PTX3: variants seen among roughly 807,000 people sequenced by gnomAD.
PTX3 encodes pentraxin-related protein PTX3.
Under a neutral mutation model 23.5 loss-of-function variants are expected in PTX3, and 24 were observed. That is an observed-to-expected ratio of 1.02 (90% CI 0.74 to 1.43). PTX3 has a LOEUF of 1.43. Ranked by LOEUF, PTX3 falls within the 40% of genes most tolerant of loss-of-function variation. PTX3 has a pLI of 0.00. For synonymous variants in PTX3, 218 were observed against 205.4 expected, an observed-to-expected ratio of 1.06 and a Z score of -0.53; for missense variants, 510 against 497.5, an observed-to-expected ratio of 1.02 and a Z score of -0.24.
In PTX3 at chr3:157,442,726, C is replaced by G; in HGVS notation, c.893C>G (p.Thr298Arg). The G allele has an allele frequency of 3.1e-6, 5 of 1,614,198 alleles. No individual in the cohort carries two copies. Among genetic ancestry groups the G allele is most frequent in the Non-Finnish European group, 4.2e-6 (5 of 1,180,042 alleles). The change falls in exon 3 of 3, where the codon ACA becomes AGA. Residue 298 changes from threonine to arginine, a missense_variant. Transcript: ENST00000295927. The stretch of plus-strand genomic sequence containing the variant: ...GCGGCTACCACTGTTGAGATGGCCA[C>G]AGGTCACATTGTTCCTGAGGGAGGA... ...ELAATTVEMATGHIVPEGGIL... is the reference protein window; with the variant it reads ...ELAATTVEMARGHIVPEGGIL...
chr3:157,437,064 G>A lies in PTX3; in HGVS notation c.130+1G>A, dbSNP rs1560060308. On this transcript the variant is annotated splice_donor_variant, in intron 1 of 2. Transcript: ENST00000295927. LOFTEE classifies it high-confidence loss of function. ...AATGGACTCCATCCCACTGAGGACC[G>A]TAAGTTCACTTTAACTGTTTCTCTG... is the stretch of plus-strand genomic sequence containing the variant. The A allele has an allele frequency of 6.2e-7, 1 of 1,613,634 alleles. No individual in the cohort carries two copies. The highest frequency in any genetic ancestry group is 8.5e-7 in the Non-Finnish European group (1 of 1,179,620).
At position 157,443,409 on chromosome 3, in the gene PTX3, A is replaced by AT. The variant is rs5853783; in HGVS notation, c.*430_*431insT. ...TGGTATGTACCTTATTACAAAAAAA[A>AT]GATGAAAACATATTTATACTACAAG... On this transcript the variant is annotated 3_prime_UTR_variant, in exon 3 of 3. Coordinates refer to ENST00000295927, the MANE Select transcript of PTX3 (RefSeq NM_002852.4). 92,300 of 157,446 alleles carry AT rather than the reference A, an allele frequency of 0.59. 27,672 individuals are homozygous for AT. The highest frequency in any genetic ancestry group is 0.7 in the African/African-American group (29,049 of 41,568). The allele number at this position is 157,446 out of a possible 1,614,324, so 9.8% of individuals were successfully genotyped here.
chr3:157,436,881 A>G lies in PTX3; in HGVS notation c.-53A>G. 6.3e-7 allele frequency: 1 copy of G among 1,592,598 alleles called. No homozygotes were observed. Among genetic ancestry groups the G allele is most frequent in the Non-Finnish European group, 8.6e-7 (1 of 1,166,932 alleles). ...ACTCTCCTCCGCTCAAACTCAGCTC[A>G]CTTGAGAGTCTCCTCCCGCCAGCTG... On this transcript the variant is annotated 5_prime_UTR_variant, in exon 1 of 3. Coordinates refer to ENST00000295927, the MANE Select transcript of PTX3 (RefSeq NM_002852.4).
At chr3:157,437,110 A>G in intron 1 of PTX3, 47 bp downstream of exon 1, 1 of 1,599,682 alleles carries the variant, frequency 6.3e-7, no homozygotes, top group African/African-American at 1.3e-5. Context: ...CTACATATCC[A>G]CCTCTTGGTC....
In PTX3 at chr3:157,437,690, G is replaced by A; in HGVS notation, c.308G>A (p.Cys103Tyr). ...GRLAESLARP[C>Y]APGAPAEARL... ...CTCGCGGAAAGCCTGGCGAGGCCGT[G>A]CGCGCCGGGGGCTCCCGCAGAGGCC... Residue 103 changes from cysteine (C) to tyrosine (Y), a missense_variant, in exon 2 of 3, where the codon TGC becomes TAC. Physicochemically the swap from Cys to Tyr is radical, Grantham distance 194. Coordinates refer to ENST00000295927, the MANE Select transcript of PTX3 (RefSeq NM_002852.4). 1 of 1,533,480 alleles carries A rather than the reference G, an allele frequency of 6.5e-7. No homozygotes were observed. The allele number at this position is 1,533,480 out of a possible 1,614,324, so 95.0% of individuals were successfully genotyped here. A position where few individuals can be genotyped will look rare whatever the true frequency, so the allele number is the denominator to read the frequency against.
At position 157,436,866 on chromosome 3, in the gene PTX3, G is replaced by A. The variant is rs181499481; in HGVS notation, c.-68G>A. 1 of 1,553,738 alleles carries A rather than the reference G, an allele frequency of 6.4e-7. No homozygotes were observed. The highest frequency in any genetic ancestry group is 1.4e-5 in the African/African-American group (1 of 72,876). On this transcript the variant is annotated 5_prime_UTR_variant, in exon 1 of 3. Coordinates refer to ENST00000295927, the MANE Select transcript of PTX3 (RefSeq NM_002852.4). ...CAGCCTCTCACTCTCACTCTCCTCC[G>A]CTCAAACTCAGCTCACTTGAGAGTC...
intron 2 of PTX3, among the ~76,000 whole-genome samples, chr3:157,438,753 T>A (rs1188561699): frequency 1.3e-5 from 2 of 152,164 alleles, no homozygotes; most frequent in Non-Finnish European, 2.9e-5. Context: ...AAATAATACA[T>A]TCTAAAGATG....
At chr3:157,437,432 A>C (rs1266518596) in intron 1 of PTX3, 81 bp from the exon 2 acceptor site, 2 of 1,521,518 alleles carry the variant, frequency 1.3e-6, no homozygotes, top group African/African-American at 2.8e-5. Context: ...ACTTGGCACC[A>C]CCGAGGGAGG....
At position 157,443,163 on chromosome 3, in the gene PTX3, A is replaced by G; in HGVS notation, c.*184A>G. ...AAACAGTTGAAGGAAAGACATTGGA[A>G]AAAGCTTTTGAGGATAATGTTACTA... On this transcript the variant is annotated 3_prime_UTR_variant, in exon 3 of 3. Transcript: ENST00000295927. 2.9e-6 allele frequency: 2 copies of G among 685,712 alleles called. No homozygotes were observed. Among genetic ancestry groups the G allele is most frequent in the East Asian group, 5.6e-5 (2 of 35,800 alleles). 42.5% of individuals were successfully genotyped at this position (685,712 alleles called of 1,614,324 possible). A position where few individuals can be genotyped will look rare whatever the true frequency, so the allele number is the denominator to read the frequency against.
chr3:157,441,939 T>A (rs1207111309), intron 2 of PTX3, among the ~76,000 whole-genome samples: 1 of 152,180 alleles, frequency 6.6e-6, no homozygotes, highest in Non-Finnish European at 1.5e-5. Flanking sequence ...TTTTAGGAAC[T>A]TGGTGGTGGC....
Position 157,442,702 on chromosome 3 carries a change from C to T in PTX3, c.869C>T (p.Ala290Val), listed in dbSNP as rs35415718. 9,890 of 1,614,118 alleles carry T rather than the reference C, an allele frequency of 6.1e-3. 504 individuals carry two copies. In the African/African-American group the frequency reaches 0.11, roughly 18 times the overall value. ...TCCTTGTGGGTAAATGGTGAACTGG[C>T]GGCTACCACTGTTGAGATGGCCACA... Reference protein sequence around the residue: ...LTSLWVNGELAATTVEMATGH... With the variant: ...LTSLWVNGELVATTVEMATGH... The change falls in exon 3 of 3, where the codon GCG (alanine) becomes GTG (valine). Residue 290 changes from alanine to valine, a missense_variant. Transcript: ENST00000295927.
Position 157,437,613 on chromosome 3 carries a change from G to T in PTX3, c.231G>T (p.Thr77=). The T allele has an allele frequency of 6.4e-7, 1 of 1,566,506 alleles. No individual in the cohort carries two copies. The highest frequency in any genetic ancestry group is 8.6e-7 in the Non-Finnish European group (1 of 1,158,150). ...QMRERMLLQA[T]DDVLRGELQR... is the part of the protein sequence containing the mutation. ...GAGAGCGCATGCTGCTGCAAGCCAC[G>T]GACGACGTCCTGCGGGGCGAGCTGC... is the stretch of plus-strand genomic sequence containing the variant. The change falls in exon 2 of 3, where the codon ACG becomes ACT. Residue 77 remains threonine (T), a synonymous_variant. Coordinates refer to ENST00000295927, the MANE Select transcript of PTX3 (RefSeq NM_002852.4).
At position 157,439,246 on chromosome 3, in the gene PTX3, G is replaced by T. The variant is rs34709101; in HGVS notation, c.532+1332G>T. Among the ~76,000 whole-genome samples, 9 of 152,288 alleles carry T rather than the reference G, an allele frequency of 5.9e-5. No homozygotes were observed. In the South Asian group the frequency reaches 1.7e-3, roughly 28 times the overall value. ...CATATAATGCACCTGAAAAACCGAA[G>T]AATTACTCTATTTTTTATCTTCATC... On this transcript the variant is annotated intron_variant, in intron 2 of 2. Coordinates refer to ENST00000295927, the MANE Select transcript of PTX3 (RefSeq NM_002852.4).
At chr3:157,439,138 G>A (rs1169924757) in intron 2 of PTX3, among the ~76,000 whole-genome samples, 2 of 152,210 alleles carry the variant, frequency 1.3e-5, no homozygotes, top group Non-Finnish European at 2.9e-5. Context: ...GATTCTCAAT[G>A]TGACAGGAGA....
In PTX3 at chr3:157,436,965, T is replaced by C; in HGVS notation, c.32T>C (p.Leu11Pro). The C allele has an allele frequency of 6.2e-7, 1 of 1,614,068 alleles. No homozygotes were observed. Among genetic ancestry groups the C allele is most frequent in the Non-Finnish European group, 8.5e-7 (1 of 1,179,974 alleles). Residue 11 changes from leucine to proline, a missense_variant, in exon 1 of 3, where the codon CTC becomes CCC. Physicochemically the swap from Leu to Pro is moderately conservative, Grantham distance 98. Transcript: ENST00000295927. The part of the protein sequence containing the change: MHLLAILFCA[L>P]WSAVLAENSD... ...CTCCTTGCGATTCTGTTTTGTGCTC[T>C]CTGGTCTGCAGTGTTGGCCGAGAAC...
At position 157,443,287 on chromosome 3, in the gene PTX3, G is replaced by T; in HGVS notation, c.*308G>T. On this transcript the variant is annotated 3_prime_UTR_variant, in exon 3 of 3. Coordinates refer to ENST00000295927, the MANE Select transcript of PTX3 (RefSeq NM_002852.4). ...TGTATTGTTGAACAGAGGGACAATT[G>T]TTTTACTTTTCTTTGGTTAATTTTG... The T allele has an allele frequency of 4.0e-6, 1 of 249,516 alleles. No homozygotes were observed. Among genetic ancestry groups the T allele is most frequent in the East Asian group, 7.9e-5 (1 of 12,638 alleles). 15.5% of individuals were successfully genotyped at this position (249,516 alleles called of 1,614,324 possible). A position where few individuals can be genotyped will look rare whatever the true frequency, so the allele number is the denominator to read the frequency against.
At chr3:157,439,130 T>G (rs1733910657) in intron 2 of PTX3, among the ~76,000 whole-genome samples, 1 of 152,198 alleles carries the variant, frequency 6.6e-6, no homozygotes, top group Non-Finnish European at 1.5e-5. Flanking sequence ...GTACACTAGA[T>G]TCTCAATGTG....
intron 2 of PTX3, among the ~76,000 whole-genome samples, chr3:157,440,277 T>C (rs867942799): frequency 2.6e-5 from 4 of 152,336 alleles, no homozygotes; most frequent in South Asian, 2.1e-4. Flanking sequence ...TGTTTTAGTA[T>C]TGTAGTTACT....
chr3:157,437,684 G>A lies in PTX3; in HGVS notation c.302G>A (p.Arg101Lys), dbSNP rs770757876. 6.1e-5 allele frequency: 93 copies of A among 1,534,652 alleles called. No individual in the cohort carries two copies. In the East Asian group the frequency reaches 2.2e-3, roughly 36 times the overall value. The change falls in exon 2 of 3, where the codon AGG (arginine) becomes AAG (lysine). Residue 101 changes from arginine to lysine, a missense_variant. Coordinates refer to ENST00000295927, the MANE Select transcript of PTX3 (RefSeq NM_002852.4). Reference protein sequence around the residue: ...ELGRLAESLARPCAPGAPAEA... With the variant: ...ELGRLAESLAKPCAPGAPAEA... ...GGCCGGCTCGCGGAAAGCCTGGCGA[G>A]GCCGTGCGCGCCGGGGGCTCCCGCA...
Sources: gnomAD v4.1 joint callset for allele counts (sites outside exome capture counted in the v4.1 genomes callset) on GRCh38, gnomAD v4.1.1 for gene constraint, MANE v1.5 for transcripts, NCBI Gene and HGNC (gene_info 2026-07-23, HGNC 2026-07-21) for gene names.